The following CTNND2 variants were observed in gnomAD, a reference collection of about 807,000 sequenced individuals.
CTNND2 encodes catenin delta-2.
CTNND2 carries 22 observed loss-of-function variants against 144.4 expected under a neutral mutation model. That is an observed-to-expected ratio of 0.15 (90% CI 0.11 to 0.22). CTNND2 has a LOEUF of 0.22. CTNND2 is among the 10% of genes least tolerant of loss of function. The pLI is 1.00. For synonymous variants in CTNND2, 751 were observed against 695.6 expected (o/e 1.08, Z -1.25); for missense variants, 1,353 against 1,618.8 (o/e 0.84, Z 2.82).
rs750428293 is a variant in CTNND2 at position 11,880,643 on chromosome 5, TACC to T, written c.37+23171_37+23173del. ...CTACTGCTACTAGTACTACTACTACTACCACTACTACTATCACCACTACTACTA... is the reference window on the plus strand; with the variant it reads ...CTACTGCTACTAGTACTACTACTACTACTACTACTATCACCACTACTACTA... On this transcript the variant is annotated intron_variant, in intron 1 of 21. Coordinates refer to ENST00000304623, the MANE Select transcript of CTNND2 (RefSeq NM_001332.4). Among the ~76,000 whole-genome samples, 92 of 137,612 alleles carry T rather than the reference TACC, an allele frequency of 6.7e-4. 3 individuals are homozygous for T. The highest frequency in any genetic ancestry group is 5.3e-4 in the Non-Finnish European group (34 of 64,122). The allele number at this position is 137,612 out of a possible 152,430, so 90.3% of individuals were successfully genotyped here. A position where few individuals can be genotyped will look rare whatever the true frequency, so the allele number is the denominator to read the frequency against.
chr5:11,628,190 A>G (rs2126456824), intron 2 of CTNND2, among the ~76,000 whole-genome samples: 1 of 152,340 alleles, frequency 6.6e-6, no homozygotes, highest in Middle Eastern at 3.4e-3. Flanking sequence ...GGTAAATCCA[A>G]AAAGACAGAA....
chr5:11,375,896 A>G (rs1757879963), intron 7 of CTNND2, among the ~76,000 whole-genome samples: 1 of 152,174 alleles, frequency 6.6e-6, no homozygotes, highest in African/African-American at 2.4e-5. Context: ...ACTGACTACT[A>G]GGGTCTAAAT....
intron 15 of CTNND2, among the ~76,000 whole-genome samples, chr5:11,097,704 T>G (rs550289992): frequency 6.6e-6 from 1 of 152,146 alleles, no homozygotes; most frequent in Non-Finnish European, 1.5e-5. Context: ...GAGCTTCTGA[T>G]GTCCGTGTGT....
intron 3 of CTNND2, among the ~76,000 whole-genome samples, chr5:11,470,079 C>A (rs974209357): frequency 2.0e-5 from 3 of 152,156 alleles, no homozygotes. Context: ...CAACTCCACT[C>A]TCGCCCCCTC....
chr5:11,376,322 G>GTGCGTGTGTGTGTGTTCGTTCATGTATC (rs60937559), intron 7 of CTNND2, among the ~76,000 whole-genome samples: 5 of 146,176 alleles, frequency 3.4e-5, no homozygotes, highest in African/African-American at 1.3e-4. Context: ...TTGTGTGTGT[G>GTGCGTGTGTGTGTGTTCGTTCATGTATC]TGTGTGTGTG....
At chr5:11,382,861 T>A (rs546564208) in intron 7 of CTNND2, among the ~76,000 whole-genome samples, 1 of 151,700 alleles carries the variant, frequency 6.6e-6, no homozygotes, top group African/African-American at 2.4e-5. Context: ...GGTCTTGGAG[T>A]TGCAATATTC....
chr5:11,636,261 A>C (rs1205688123), intron 2 of CTNND2, among the ~76,000 whole-genome samples: 1 of 152,130 alleles, frequency 6.6e-6, no homozygotes, highest in Non-Finnish European at 1.5e-5. Flanking sequence ...TGCCAATCTC[A>C]AACCTCTGCC....
chr5:11,016,065 T>G (rs1256803539), intron 18 of CTNND2, among the ~76,000 whole-genome samples: 1 of 152,214 alleles, frequency 6.6e-6, no homozygotes, highest in East Asian at 1.9e-4. Context: ...AATATGCAGA[T>G]TTTTTTCAAC....
chr5:11,017,220 C>A (rs796891618), intron 18 of CTNND2, among the ~76,000 whole-genome samples: 27 of 152,074 alleles, frequency 1.8e-4, no homozygotes, highest in African/African-American at 6.0e-4. Flanking sequence ...CCTTATTGAG[C>A]AGATTTTGGA....
chr5:11,189,256 C>G (rs1736000945), intron 11 of CTNND2, among the ~76,000 whole-genome samples: 1 of 152,178 alleles, frequency 6.6e-6, no homozygotes, highest in South Asian at 2.1e-4. Flanking sequence ...AAAGCCATAT[C>G]ATAAGGAAGG....
At chr5:11,236,885 A>C in intron 9 of CTNND2, 62 bp from the exon 10 acceptor site, 2 of 1,557,772 alleles carry the variant, frequency 1.3e-6, no homozygotes, top group East Asian at 2.2e-5. Context: ...CTGTTAACAC[A>C]TGGTTAGCTC....
At chr5:11,729,327 C>A (rs1316986482) in intron 2 of CTNND2, among the ~76,000 whole-genome samples, 1 of 152,154 alleles carries the variant, frequency 6.6e-6, no homozygotes, top group Non-Finnish European at 1.5e-5. Flanking sequence ...CTGTTTCCAC[C>A]TCCATCTAAC....
chr5:11,180,423 T>C (rs1760887975), intron 11 of CTNND2, among the ~76,000 whole-genome samples: 1 of 152,188 alleles, frequency 6.6e-6, no homozygotes, highest in Admixed American at 6.5e-5. Flanking sequence ...ATGTAATATG[T>C]TATTTTGGAA....
chr5:11,761,262 A>G (rs2126805435), intron 1 of CTNND2, among the ~76,000 whole-genome samples: 1 of 152,306 alleles, frequency 6.6e-6, no homozygotes. Context: ...AAATTGTACA[A>G]GTGACTGAAT....
intron 9 of CTNND2, among the ~76,000 whole-genome samples, chr5:11,271,799 G>C (rs1746044217): frequency 2.0e-5 from 3 of 152,130 alleles, no homozygotes; most frequent in Admixed American, 2.0e-4. Context: ...GGTTGAAATG[G>C]GGATGTCTGG....
At chr5:11,775,645 C>T (rs981487370) in intron 1 of CTNND2, among the ~76,000 whole-genome samples, 1 of 152,184 alleles carries the variant, frequency 6.6e-6, no homozygotes, top group Admixed American at 6.5e-5. Flanking sequence ...TGCGGTTGCT[C>T]GTAAGGGTGC....
chr5:11,560,904 G>C (rs1776631371), intron 3 of CTNND2, among the ~76,000 whole-genome samples: 1 of 152,192 alleles, frequency 6.6e-6, no homozygotes, highest in African/African-American at 2.4e-5. Context: ...TCTAACTCAC[G>C]CCGTGTAGAG....
chr5:10,981,700 A>G (rs1737285669), intron 21 of CTNND2, 73 bp downstream of exon 21: 1 of 1,397,628 alleles, frequency 7.2e-7, no homozygotes, highest in South Asian at 1.2e-5. Context: ...ATGAAAGTTT[A>G]TGTTTAAAAT....
chr5:11,014,664 A>T (rs1323356145), intron 18 of CTNND2, among the ~76,000 whole-genome samples: 2 of 152,186 alleles, frequency 1.3e-5, no homozygotes, highest in African/African-American at 2.4e-5. Flanking sequence ...TAATCAATAC[A>T]CCCAGCTGGA....
Sources: allele counts gnomAD v4.1 joint callset (sites outside exome capture counted in the v4.1 genomes callset), GRCh38; gene constraint gnomAD v4.1.1; transcripts MANE v1.5; gene names NCBI Gene and HGNC (gene_info 2026-07-23, HGNC 2026-07-21).